TMTC2: variants seen among roughly 807,000 people sequenced by gnomAD.
TMTC2 encodes protein O-mannosyl-transferase TMTC2.
Under a neutral mutation model 82.4 loss-of-function variants are expected in TMTC2, and 43 were observed. The observed-to-expected ratio is 0.52, with a 90% confidence interval of 0.41 to 0.67. The LOEUF is 0.67. Among genes scored for constraint, TMTC2 ranks in the 30% least tolerant of loss-of-function variants. The pLI, the probability that TMTC2 is intolerant of heterozygous loss-of-function variation, is 0.00. For missense variants in TMTC2, 919 were observed against 1,012.4 expected (o/e 0.91, Z 1.25); for synonymous variants, 408 against 381.9 (o/e 1.07, Z -0.80).
At chr12:82,876,057 GTGGTGGTGGTGATGATGATGA>G (rs1565788729) in intron 2 of TMTC2, among the ~76,000 whole-genome samples, 3 of 137,048 alleles carry the variant, frequency 2.2e-5, no homozygotes, top group African/African-American at 2.9e-5. Flanking sequence ...GGTGGTGGTG[GTGGTGGTGGTGATGATGATGA>G]TGGTGATTAG....
chr12:82,988,647 C>T (rs182164858), intron 8 of TMTC2, among the ~76,000 whole-genome samples: 13 of 151,866 alleles, frequency 8.6e-5, no homozygotes, highest in African/African-American at 3.1e-4. Flanking sequence ...AATACCCCTC[C>T]CCTATCCCAT....
intron 8 of TMTC2, among the ~76,000 whole-genome samples, chr12:83,028,896 C>T (rs1881294850): frequency 6.6e-6 from 1 of 152,138 alleles, no homozygotes; most frequent in Admixed American, 6.5e-5. Flanking sequence ...ATGTGGGAAA[C>T]ATTGCAGGGA....
chr12:82,743,334 G>A (rs111446543), intron 1 of TMTC2, among the ~76,000 whole-genome samples: 8,406 of 151,748 alleles, frequency 0.055, 317 homozygotes, highest in Non-Finnish European at 0.082. Flanking sequence ...ATAGCTACTC[G>A]GTAGGCTGAG....
chr12:82,869,424 G>C (rs1156873111), intron 2 of TMTC2, among the ~76,000 whole-genome samples: 1 of 152,102 alleles, frequency 6.6e-6, no homozygotes, highest in Non-Finnish European at 1.5e-5. Context: ...TGTACATTGA[G>C]AATCTGATTC....
At chr12:82,793,210 C>G (rs2137025316) in intron 1 of TMTC2, among the ~76,000 whole-genome samples, 1 of 152,132 alleles carries the variant, frequency 6.6e-6, no homozygotes, top group Non-Finnish European at 1.5e-5. Context: ...ACATTATTTC[C>G]TTTTTTAGTA....
chr12:82,965,857 T>C, intron 6 of TMTC2, 113 bp downstream of exon 6: 1 of 1,100,322 alleles, frequency 9.1e-7, no homozygotes, highest in African/African-American at 1.5e-5. Context: ...CTAATATGTA[T>C]ACACGTTAAA....
chr12:82,687,818 A>C, intron 1 of TMTC2, 149 bp downstream of exon 1: 4 of 727,946 alleles, frequency 5.5e-6, no homozygotes, highest in African/African-American at 1.8e-5. Context: ...TAACACCTAA[A>C]TCAAACACCG....
At chr12:82,937,510 GT>G (rs11312145) in intron 4 of TMTC2, among the ~76,000 whole-genome samples, 151,583 of 152,088 alleles carry the variant, frequency 1, 75,539 homozygotes, top group Middle Eastern at 1. Context: ...AATAGTGGAG[GT>G]TTAGGACTTC....
intron 1 of TMTC2, among the ~76,000 whole-genome samples, chr12:82,817,331 C>T (rs1868802277): frequency 2.0e-5 from 3 of 151,976 alleles, no homozygotes; most frequent in Admixed American, 2.0e-4. Flanking sequence ...ATACTTTTAA[C>T]TTAGTATCTA....
chr12:82,915,650 T>C (rs996683253), intron 3 of TMTC2, among the ~76,000 whole-genome samples: 3 of 152,206 alleles, frequency 2.0e-5, no homozygotes, highest in Non-Finnish European at 4.4e-5. Flanking sequence ...TTCTTTTTGT[T>C]CCCCCTGAAG....
rs7314083 is a variant in TMTC2 at position 82,816,892 on chromosome 12, A to G, written c.84-40118A>G. Among the ~76,000 whole-genome samples, 334 of 152,176 alleles carry G rather than the reference A, an allele frequency of 2.2e-3. 1 individual carries two copies. Among genetic ancestry groups the G allele is most frequent in the African/African-American group, 7.5e-3 (312 of 41,554 alleles). ...GCACTGTAGAAATAGTTTAGGCTGA[A>G]TTGGTGAAAGAGAATATAGCACAGT... On this transcript the variant is annotated intron_variant, in intron 1 of 11. Transcript: ENST00000321196.
chr12:82,998,288 G>A (rs1304659243), intron 8 of TMTC2, among the ~76,000 whole-genome samples: 1 of 152,130 alleles, frequency 6.6e-6, no homozygotes, highest in East Asian at 1.9e-4. Flanking sequence ...TGCCAATGAG[G>A]TCAACATTTT....
intron 4 of TMTC2, among the ~76,000 whole-genome samples, chr12:82,956,347 A>G (rs1042589743): frequency 1.3e-5 from 2 of 152,162 alleles, no homozygotes; most frequent in African/African-American, 4.8e-5. Context: ...CTCACACATA[A>G]TATGACACCC....
At chr12:82,856,395 A>C (rs1228605695) in intron 1 of TMTC2, among the ~76,000 whole-genome samples, 4 of 152,188 alleles carry the variant, frequency 2.6e-5, no homozygotes, top group African/African-American at 7.2e-5. Context: ...CTTTCCAGTT[A>C]TCTGGGCCCT....
intron 1 of TMTC2, among the ~76,000 whole-genome samples, chr12:82,804,421 A>T (rs965472562): frequency 6.6e-6 from 1 of 152,132 alleles, no homozygotes; most frequent in African/African-American, 2.4e-5. Context: ...TCTGTTACCT[A>T]GAAACTTTTT....
intron 1 of TMTC2, among the ~76,000 whole-genome samples, chr12:82,829,470 G>A (rs1193608972): frequency 6.6e-6 from 1 of 151,660 alleles, no homozygotes; most frequent in Non-Finnish European, 1.5e-5. Flanking sequence ...TCATTTAAAA[G>A]AGAATTTACA....
intron 8 of TMTC2, among the ~76,000 whole-genome samples, chr12:82,993,175 G>A (rs1260346226): frequency 2.0e-5 from 3 of 151,988 alleles, no homozygotes; most frequent in Non-Finnish European, 4.4e-5. Context: ...AATAGGGATG[G>A]GGTTTCACCA....
chr12:83,129,470 T>C (rs979422145), intron 11 of TMTC2, among the ~76,000 whole-genome samples: 19 of 152,202 alleles, frequency 1.2e-4, no homozygotes, highest in Non-Finnish European at 2.6e-4. Context: ...ATACAAAATT[T>C]GTTTCATCAT....
At chr12:82,820,245 A>G (rs1869008978) in intron 1 of TMTC2, among the ~76,000 whole-genome samples, 1 of 152,118 alleles carries the variant, frequency 6.6e-6, no homozygotes, top group Non-Finnish European at 1.5e-5. Flanking sequence ...TGAAATGTTA[A>G]TCTCCTTTGC....
Sources: gnomAD v4.1 joint callset for allele counts (sites outside exome capture counted in the v4.1 genomes callset) on GRCh38, gnomAD v4.1.1 for gene constraint, MANE v1.5 for transcripts, NCBI Gene and HGNC (gene_info 2026-07-23, HGNC 2026-07-21) for gene names.